The following ARMC3 variants were observed in gnomAD, a reference collection of about 807,000 sequenced individuals.
ARMC3 encodes armadillo repeat-containing protein 3.
A neutral mutation model predicts 90.3 loss-of-function variants in ARMC3; 74 were observed. The ratio of observed to expected loss-of-function variants is 0.82; its 90% CI spans 0.68 to 0.99. ARMC3 has a LOEUF of 0.99. Among genes scored for constraint, ARMC3 ranks in the 50% least tolerant of loss-of-function variants. The pLI is 0.00. For missense variants in ARMC3, 958 were observed against 1,042.8 expected (o/e 0.92, Z 1.12); for synonymous variants, 334 against 361.8 (o/e 0.92, Z 0.87).
Position 22,999,322 on chromosome 10 carries a change from C to T in ARMC3, c.1425+925C>T, listed in dbSNP as rs570352107. Among the ~76,000 whole-genome samples, 9 of 152,256 alleles carry T rather than the reference C, an allele frequency of 5.9e-5. No individual in the cohort carries two copies. In the South Asian group the frequency reaches 1.9e-3, roughly 32 times the overall value. ...CTGCACTTTGCGAGGTGGAGGCAGG[C>T]GGATTGCTTGAGGCCAGGAGTTCGA... On this transcript the variant is annotated intron_variant, in intron 11 of 18. Coordinates refer to ENST00000298032, the MANE Select transcript of ARMC3 (RefSeq NM_173081.5).
intron 3 of ARMC3, among the ~76,000 whole-genome samples, chr10:22,951,795 T>C (rs145601526): frequency 9.1e-4 from 139 of 152,192 alleles, no homozygotes; most frequent in African/African-American, 3.2e-3. Flanking sequence ...ACAAGGAAAG[T>C]CTCAAACCAG....
intron 11 of ARMC3, among the ~76,000 whole-genome samples, chr10:23,001,257 T>C (rs1362405853): frequency 1.3e-5 from 2 of 152,204 alleles, no homozygotes; most frequent in Non-Finnish European, 2.9e-5. Flanking sequence ...GTAAATCGAA[T>C]ATCATATGGT....
chr10:22,990,625 A>T (rs926301825), intron 10 of ARMC3, among the ~76,000 whole-genome samples: 7 of 152,178 alleles, frequency 4.6e-5, no homozygotes, highest in African/African-American at 1.7e-4. Flanking sequence ...CATTTTGCAG[A>T]TGAGGAAACC....
intron 10 of ARMC3, among the ~76,000 whole-genome samples, chr10:22,995,555 T>A (rs1293342933): frequency 6.6e-6 from 1 of 152,202 alleles, no homozygotes; most frequent in African/African-American, 2.4e-5. Flanking sequence ...AAACACCTAG[T>A]TTTTTATGCA....
intron 16 of ARMC3, among the ~76,000 whole-genome samples, chr10:23,012,389 C>T (rs997442784): frequency 6.6e-6 from 1 of 152,074 alleles, no homozygotes; most frequent in African/African-American, 2.4e-5. Context: ...TATCAATGTT[C>T]TCCAGGAGTA....
At chr10:22,994,632 T>A (rs761771102) in intron 10 of ARMC3, among the ~76,000 whole-genome samples, 1 of 151,802 alleles carries the variant, frequency 6.6e-6, no homozygotes. Flanking sequence ...AGGGGAGCAA[T>A]ATGATTATAA....
intron 10 of ARMC3, among the ~76,000 whole-genome samples, chr10:22,988,447 G>T (rs1836558393): frequency 6.6e-6 from 1 of 152,168 alleles, no homozygotes; most frequent in Non-Finnish European, 1.5e-5. Flanking sequence ...GAAATAGAAA[G>T]CACTTTTCAA....
At position 22,981,657 on chromosome 10, in the gene ARMC3, C is replaced by G. The variant is rs963028055; in HGVS notation, c.1132C>G (p.Leu378Val). The G allele has an allele frequency of 4.0e-5, 64 of 1,614,098 alleles. No homozygotes were observed. Among genetic ancestry groups the G allele is most frequent in the Non-Finnish European group, 5.3e-5 (63 of 1,179,992 alleles). The change falls in exon 10 of 19, where the codon CTA becomes GTA. Residue 378 changes from leucine (L) to valine (V), a missense_variant. By Grantham distance (32) the Leu-to-Val change is conservative. Coordinates refer to ENST00000298032, the MANE Select transcript of ARMC3 (RefSeq NM_173081.5). The stretch of plus-strand genomic sequence containing the variant: ...TGAAGAGGTACGGGAAGCAGCAGCT[C>G]TAGCCCTGGCAAACCTAACCACTTG... ...DNEEVREAAA[L>V]ALANLTTCNP...
At chr10:22,998,436 G>A (rs1029385045) in intron 11 of ARMC3, 39 bp downstream of exon 11, 2 of 1,607,490 alleles carry the variant, frequency 1.2e-6, no homozygotes, top group Admixed American at 1.7e-5. Context: ...CATTTTTCTG[G>A]TTAGTACCTA....
At chr10:23,034,669 G>A (rs35840125) in intron 18 of ARMC3, among the ~76,000 whole-genome samples, 18,093 of 152,032 alleles carry the variant, frequency 0.12, 1,548 homozygotes, top group African/African-American at 0.24. Flanking sequence ...TCTGGCTTTC[G>A]CTCCCACTCT....
At chr10:22,942,539 CTA>C (rs921707733) in intron 2 of ARMC3, among the ~76,000 whole-genome samples, 5 of 152,146 alleles carry the variant, frequency 3.3e-5, no homozygotes, top group Admixed American at 2.6e-4. Context: ...GGATTTAAAA[CTA>C]TGATTGAAGA....
intron 2 of ARMC3, among the ~76,000 whole-genome samples, chr10:22,940,048 A>G (rs1362239306): frequency 6.6e-6 from 1 of 152,238 alleles, no homozygotes; most frequent in Non-Finnish European, 1.5e-5. Context: ...TCCTTTACAT[A>G]TAAAGGTACA....
chr10:23,008,389 T>C lies in ARMC3; in HGVS notation c.1928+15T>C. 7.5e-7 allele frequency: 1 copy of C among 1,328,020 alleles called. No homozygotes were observed. The highest frequency in any genetic ancestry group is 1.5e-5 in the African/African-American group (1 of 67,602). The allele number at this position is 1,328,020 out of a possible 1,614,324, so 82.3% of individuals were successfully genotyped here. On this transcript the variant is annotated intron_variant, in intron 15 of 18. Transcript: ENST00000298032. The stretch of plus-strand genomic sequence containing the variant: ...GAAAAGAACAAGTAAGAAAATGATG[T>C]TTTATCTGTATGCAAACAGCTTCCC...
At chr10:22,932,828 G>A (rs1833982411) in intron 2 of ARMC3, among the ~76,000 whole-genome samples, 1 of 152,186 alleles carries the variant, frequency 6.6e-6, no homozygotes, top group Admixed American at 6.5e-5. Context: ...TAAGACACTG[G>A]GGGCCTTGAG....
chr10:22,934,645 C>T (rs573409364), intron 2 of ARMC3, among the ~76,000 whole-genome samples: 1 of 152,238 alleles, frequency 6.6e-6, no homozygotes, highest in East Asian at 1.9e-4. Flanking sequence ...TCCACTTATG[C>T]CCATCTATGA....
intron 13 of ARMC3, among the ~76,000 whole-genome samples, chr10:23,004,037 C>G (rs1837455279): frequency 6.6e-6 from 1 of 151,962 alleles, no homozygotes; most frequent in Non-Finnish European, 1.5e-5. Context: ...GTAGTCTGAT[C>G]TACTCAGGAG....
intron 2 of ARMC3, among the ~76,000 whole-genome samples, chr10:22,932,902 C>T (rs1294633840): frequency 3.3e-5 from 5 of 152,218 alleles, no homozygotes; most frequent in African/African-American, 9.6e-5. Flanking sequence ...CAAGTTATTT[C>T]GGTTTTTCTT....
intron 3 of ARMC3, among the ~76,000 whole-genome samples, chr10:22,950,541 A>G (rs1383831753): frequency 6.6e-6 from 1 of 152,184 alleles, no homozygotes. Flanking sequence ...CACAGAATAC[A>G]TAGAAAAGAA....
chr10:23,014,903 A>AAAC (rs1564397895), intron 16 of ARMC3, among the ~76,000 whole-genome samples: 6 of 139,572 alleles, frequency 4.3e-5, no homozygotes, highest in Non-Finnish European at 6.1e-5. Flanking sequence ...AAAAAAAAAA[A>AAAC]AAAAAACCCC....
Sources: allele counts gnomAD v4.1 joint callset (sites outside exome capture counted in the v4.1 genomes callset), GRCh38; gene constraint gnomAD v4.1.1; transcripts MANE v1.5; gene names NCBI Gene and HGNC (gene_info 2026-07-23, HGNC 2026-07-21).